LDB2: variants seen among roughly 807,000 people sequenced by gnomAD.
LDB2 encodes the protein LIM domain-binding protein 2.
In LDB2, 12 loss-of-function variants were observed where a neutral mutation model predicts 44.3. The ratio of observed to expected loss-of-function variants is 0.27; its 90% CI spans 0.17 to 0.44. LDB2 has a LOEUF of 0.44. LDB2 is among the 20% of genes least tolerant of loss of function. The pLI, the probability that LDB2 is intolerant of heterozygous loss-of-function variation, is 1.00. For missense variants in LDB2, 344 were observed against 473.5 expected, an observed-to-expected ratio of 0.73 and a Z score of 2.54; for synonymous variants, 164 against 174.8, an observed-to-expected ratio of 0.94 and a Z score of 0.49.
chr4:16,788,562 A>G (rs551805535), intron 1 of LDB2, among the ~76,000 whole-genome samples: 7 of 152,316 alleles, frequency 4.6e-5, no homozygotes, highest in African/African-American at 1.4e-4. Context: ...TGTGGGCCCC[A>G]AGCCATCCCA....
At chr4:16,542,181 A>G (rs1028129553) in intron 5 of LDB2, among the ~76,000 whole-genome samples, 1 of 152,028 alleles carries the variant, frequency 6.6e-6, no homozygotes, top group African/African-American at 2.4e-5. Context: ...CACTAAGAAA[A>G]TAATGACTGA....
intron 2 of LDB2, among the ~76,000 whole-genome samples, chr4:16,638,757 C>A (rs1734315280): frequency 1.3e-5 from 2 of 152,156 alleles, no homozygotes; most frequent in African/African-American, 4.8e-5. Context: ...AAGGTAGGCA[C>A]CTCACTCTTC....
At chr4:16,628,289 T>C (rs759882783) in intron 2 of LDB2, among the ~76,000 whole-genome samples, 81 of 152,134 alleles carry the variant, frequency 5.3e-4, no homozygotes, top group Non-Finnish European at 8.8e-4. Flanking sequence ...CCTTGAAAAA[T>C]AGCATTCTTT....
At chr4:16,657,738 G>C (rs1740322307) in intron 2 of LDB2, among the ~76,000 whole-genome samples, 1 of 152,152 alleles carries the variant, frequency 6.6e-6, no homozygotes, top group Non-Finnish European at 1.5e-5. Context: ...CCTTTCCCCA[G>C]TTCCTTATAT....
intron 2 of LDB2, among the ~76,000 whole-genome samples, chr4:16,688,293 G>C (rs1387394768): frequency 6.6e-6 from 1 of 152,152 alleles, no homozygotes; most frequent in African/African-American, 2.4e-5. Flanking sequence ...GAATAAAGTG[G>C]ATATGGTTTT....
chr4:16,829,694 G>C (rs948528551), intron 1 of LDB2, among the ~76,000 whole-genome samples: 1 of 152,120 alleles, frequency 6.6e-6, no homozygotes, highest in African/African-American at 2.4e-5. Flanking sequence ...CACTTAGTCT[G>C]TATGTTCTGT....
intron 1 of LDB2, among the ~76,000 whole-genome samples, chr4:16,891,351 C>T (rs1202201770): frequency 9.1e-5 from 11 of 121,514 alleles, no homozygotes; most frequent in African/African-American, 1.2e-4. Context: ...CTCACTCTGT[C>T]GCCCAGGGTG....
At chr4:16,694,376 CTGTTT>C (rs1446515824) in intron 2 of LDB2, among the ~76,000 whole-genome samples, 1 of 152,248 alleles carries the variant, frequency 6.6e-6, no homozygotes, top group African/African-American at 2.4e-5. Flanking sequence ...TCTCTCTCCT[CTGTTT>C]TAAGAACATT....
chr4:16,589,013 T>C (rs1213483102), intron 3 of LDB2, among the ~76,000 whole-genome samples, 181 bp from the exon 4 acceptor site: 1 of 152,170 alleles, frequency 6.6e-6, no homozygotes, highest in African/African-American at 2.4e-5. Flanking sequence ...CTAAAATCAG[T>C]GGGTTCAAGT....
At chr4:16,583,076 G>T (rs1000772591) in intron 5 of LDB2, among the ~76,000 whole-genome samples, 2 of 152,148 alleles carry the variant, frequency 1.3e-5, no homozygotes, top group Non-Finnish European at 2.9e-5. Context: ...TCAGGGTCTC[G>T]CCTGCTCCTC....
At chr4:16,584,897 C>A (rs1332490355) in intron 5 of LDB2, among the ~76,000 whole-genome samples, 2 of 152,198 alleles carry the variant, frequency 1.3e-5, no homozygotes, top group Admixed American at 1.3e-4. Flanking sequence ...CAAGATCTTG[C>A]TATAGGGTGA....
chr4:16,656,719 G>T (rs945525081), intron 2 of LDB2, among the ~76,000 whole-genome samples: 41 of 152,228 alleles, frequency 2.7e-4, no homozygotes, highest in African/African-American at 9.4e-4. Flanking sequence ...TCATGCCAAT[G>T]TAAGTTTAGT....
intron 4 of LDB2, among the ~76,000 whole-genome samples, chr4:16,586,306 T>C (rs1716782964): frequency 6.6e-6 from 1 of 152,116 alleles, no homozygotes; most frequent in Non-Finnish European, 1.5e-5. Context: ...GTCTCCAGCC[T>C]GAGTCACAGA....
At chr4:16,561,210 C>T (rs528086919) in intron 5 of LDB2, among the ~76,000 whole-genome samples, 1 of 152,202 alleles carries the variant, frequency 6.6e-6, no homozygotes, top group Non-Finnish European at 1.5e-5. Context: ...GTTGGAAGTT[C>T]TGGCCAGGGC....
In LDB2 at chr4:16,897,898, ATATATATATATATATATAT is replaced by A. The variant is rs1561573731; in HGVS notation, c.132+437_132+455del. On this transcript the variant is annotated intron_variant, in intron 1 of 7. Coordinates refer to ENST00000304523, the MANE Select transcript of LDB2 (RefSeq NM_001290.5). ...CTCTAGGATTTGTAAAAAAGAAAATATATATATATATATATATATATATATATATATATATATATACACA... is the reference window on the plus strand; with the variant it reads ...CTCTAGGATTTGTAAAAAAGAAAATAATATATATATATATATATATACACA... Among the ~76,000 whole-genome samples, 154 of 60,422 alleles carry A rather than the reference ATATATATATATATATATAT, an allele frequency of 2.5e-3. 1 individual carries two copies. The highest frequency in any genetic ancestry group is 5.9e-3 in the Admixed American group (39 of 6,584). The allele number at this position is 60,422 out of a possible 152,430, so 39.6% of individuals were successfully genotyped here. A position where few individuals can be genotyped will look rare whatever the true frequency, so the allele number is the denominator to read the frequency against.
intron 2 of LDB2, among the ~76,000 whole-genome samples, chr4:16,752,661 G>A (rs1765710198): frequency 2.6e-5 from 4 of 152,122 alleles, no homozygotes; most frequent in Non-Finnish European, 5.9e-5. Flanking sequence ...TTCAAGAGTG[G>A]CACTAAGCTA....
At chr4:16,830,244 T>C (rs1195213642) in intron 1 of LDB2, among the ~76,000 whole-genome samples, 1 of 152,162 alleles carries the variant, frequency 6.6e-6, no homozygotes, top group Non-Finnish European at 1.5e-5. Flanking sequence ...TGGGAGGTGA[T>C]TGGATCATGC....
intron 2 of LDB2, among the ~76,000 whole-genome samples, chr4:16,647,873 A>T (rs951808685): frequency 2.0e-5 from 3 of 152,138 alleles, no homozygotes; most frequent in African/African-American, 7.2e-5. Context: ...GAAAGAATGC[A>T]TTTCCCCAAT....
chr4:16,709,692 C>T (rs1352120792), intron 2 of LDB2, among the ~76,000 whole-genome samples: 1 of 152,066 alleles, frequency 6.6e-6, no homozygotes, highest in African/African-American at 2.4e-5. Context: ...TAAGATAATA[C>T]CATTTTACAT....
Sources: allele counts gnomAD v4.1 joint callset (sites outside exome capture counted in the v4.1 genomes callset), GRCh38; gene constraint gnomAD v4.1.1; transcripts MANE v1.5; gene names NCBI Gene and HGNC (gene_info 2026-07-23, HGNC 2026-07-21).